The following RAE1 variants were observed in gnomAD, a reference collection of about 807,000 sequenced individuals.
RAE1 encodes ribonucleic acid export 1.
Under a neutral mutation model 52.7 loss-of-function variants are expected in RAE1, and 13 were observed. That is an observed-to-expected ratio of 0.25 (90% CI 0.16 to 0.39). RAE1 has a LOEUF of 0.39. Ranked by LOEUF, RAE1 falls within the 10% of genes least tolerant of loss-of-function variation. RAE1 has a pLI of 1.00. For synonymous variants in RAE1, 164 were observed against 153.1 expected, an observed-to-expected ratio of 1.07 and a Z score of -0.52; for missense variants, 262 against 459.8, an observed-to-expected ratio of 0.57 and a Z score of 3.93.
intron 7 of RAE1, 46 bp from the exon 8 acceptor site, chr20:57,368,659 A>C (rs772878840): frequency 1.1e-5 from 15 of 1,360,984 alleles, no homozygotes; most frequent in Middle Eastern, 3.6e-4. Flanking sequence ...TAAAAACAGC[A>C]CACTCCTTCA....
At chr20:57,361,755 G>T (rs577164401) in intron 4 of RAE1, among the ~76,000 whole-genome samples, 15 of 152,318 alleles carry the variant, frequency 9.8e-5, no homozygotes, top group African/African-American at 3.4e-4. Context: ...CTGGCTAATA[G>T]GGTGGTAGTG....
At chr20:57,356,569 TTTAC>T in intron 4 of RAE1, 31 bp downstream of exon 4, 1 of 1,554,782 alleles carries the variant, frequency 6.4e-7, no homozygotes, top group South Asian at 1.1e-5. Flanking sequence ...CGTGTTCCAT[TTTAC>T]TTAAAGTACA....
At chr20:57,363,911 C>G (rs974234957) in intron 4 of RAE1, among the ~76,000 whole-genome samples, 6 of 152,146 alleles carry the variant, frequency 3.9e-5, no homozygotes, top group Admixed American at 6.5e-5. Flanking sequence ...TAAACCTACA[C>G]GGAAGGATTA....
Position 57,367,028 on chromosome 20 carries a change from A to C in RAE1, c.483A>C (p.Ser161=), listed in dbSNP as rs2066964387. The change falls in exon 7 of 12, where the codon TCA becomes TCC. Residue 161 remains serine (S), a synonymous_variant. Coordinates refer to ENST00000395841, the MANE Select transcript of RAE1 (RefSeq NM_003610.4). ...TTTAGTTTTGGGATACTCGATCGTC[A>C]AATCCTATGATGGTTTTGCAACTCC... ...KTLKFWDTRS[S]NPMMVLQLPE... The C allele has an allele frequency of 6.2e-7, 1 of 1,610,554 alleles. No homozygotes were observed. The highest frequency in any genetic ancestry group is 2.2e-5 in the East Asian group (1 of 44,862).
rs1194955310 is a variant in RAE1 at position 57,379,141 on chromosome 20, T to C, written c.*1042T>C. The C allele has an allele frequency of 6.6e-6, 1 of 152,118 alleles. No individual in the cohort carries two copies. Among genetic ancestry groups the C allele is most frequent in the Non-Finnish European group, 1.5e-5 (1 of 68,032 alleles). The allele number at this position is 152,118 out of a possible 1,614,324, so 9.4% of individuals were successfully genotyped here. On this transcript the variant is annotated 3_prime_UTR_variant, in exon 12 of 12. Coordinates refer to ENST00000395841, the MANE Select transcript of RAE1 (RefSeq NM_003610.4). The stretch of plus-strand genomic sequence containing the variant: ...GTGTAAAATTCTAGTATCGATAGTG[T>C]TGTAAGATGTGTTTGCCTACTCATA...
chr20:57,374,284 G>A (rs1028989221), intron 10 of RAE1, among the ~76,000 whole-genome samples: 4 of 152,170 alleles, frequency 2.6e-5, no homozygotes, highest in African/African-American at 7.2e-5. Context: ...CCTCAGGAGC[G>A]CTGGTAGACA....
chr20:57,365,301 A>G (rs2066939359), intron 4 of RAE1, 55 bp from the exon 5 acceptor site: 19 of 1,253,518 alleles, frequency 1.5e-5, no homozygotes, highest in Middle Eastern at 2.3e-4. Flanking sequence ...AAATATATAT[A>G]TAGTTAAAGA....
intron 3 of RAE1, 102 bp from the exon 4 acceptor site, chr20:57,356,344 A>T (rs927725352): frequency 1.9e-5 from 14 of 720,956 alleles, no homozygotes; most frequent in Admixed American, 1.6e-4. Context: ...TGCTATGAGA[A>T]GTCTATGTAT....
At chr20:57,369,251 C>T (rs1362423905) in intron 8 of RAE1, among the ~76,000 whole-genome samples, 1 of 152,208 alleles carries the variant, frequency 6.6e-6, no homozygotes, top group Non-Finnish European at 1.5e-5. Flanking sequence ...CAGGGCATGG[C>T]CCAAAACAGG....
Position 57,366,988 on chromosome 20 carries a change from C to T in RAE1, c.463-20C>T. 1 of 1,601,232 alleles carries T rather than the reference C, an allele frequency of 6.2e-7. No individual in the cohort carries two copies. The highest frequency in any genetic ancestry group is 8.6e-7 in the Non-Finnish European group (1 of 1,168,354). On this transcript the variant is annotated intron_variant, in intron 6 of 11. Transcript: ENST00000395841. ...TCTGCTCTGAATGGTCACATACTGGCTTCTCTTTTTTGCTTTTAGTTTTGG... is the reference window on the plus strand; with the variant it reads ...TCTGCTCTGAATGGTCACATACTGGTTTCTCTTTTTTGCTTTTAGTTTTGG...
At chr20:57,372,990 G>A (rs181840651) in intron 8 of RAE1, 4 of 166,684 alleles carry the variant, frequency 2.4e-5, no homozygotes, top group Admixed American at 5.8e-5. Context: ...GAAGTGCAGC[G>A]TGTTGCTTGT....
At chr20:57,377,271 C>T (rs2067129609) in intron 11 of RAE1, among the ~76,000 whole-genome samples, 1 of 152,202 alleles carries the variant, frequency 6.6e-6, no homozygotes, top group African/African-American at 2.4e-5. Flanking sequence ...TCCTTTGGCC[C>T]ACCTGCGGCT....
At chr20:57,354,616 A>G in intron 2 of RAE1, 96 bp from the exon 3 acceptor site, 3 of 821,656 alleles carry the variant, frequency 3.7e-6, no homozygotes, top group Non-Finnish European at 5.5e-6. Flanking sequence ...CTTGTACACA[A>G]GGAAAGGCCA....
intron 10 of RAE1, 72 bp from the exon 11 acceptor site, chr20:57,374,535 G>A (rs889351931): frequency 1.5e-6 from 2 of 1,357,856 alleles, no homozygotes; most frequent in African/African-American, 2.9e-5. Context: ...ACTCAAGCAG[G>A]AAGTGTGCGT....
Position 57,354,697 on chromosome 20 carries a change from A to C in RAE1, c.91-15A>C, listed in dbSNP as rs764516206. 6.5e-7 allele frequency: 1 copy of C among 1,546,320 alleles called. No individual in the cohort carries two copies. Among genetic ancestry groups the C allele is most frequent in the South Asian group, 1.2e-5 (1 of 81,786 alleles). On this transcript the variant is annotated splice_polypyrimidine_tract_variant and intron_variant, in intron 2 of 11. Transcript: ENST00000395841. ...TGAGCGTGCATACATTTTAACATTG[A>C]CTTTTTTCCCGCAGGATATTGAAGT... is the stretch of plus-strand genomic sequence containing the variant.
intron 9 of RAE1, 37 bp from the exon 10 acceptor site, chr20:57,373,626 T>C (rs1425419124): frequency 1.2e-6 from 2 of 1,613,352 alleles, no homozygotes; most frequent in Non-Finnish European, 1.7e-6. Context: ...GGACTTTTTT[T>C]AACAAAGGAA....
intron 11 of RAE1, chr20:57,375,197 G>T (rs1435923813): frequency 3.3e-6 from 2 of 607,480 alleles, no homozygotes; most frequent in East Asian, 5.5e-5. Flanking sequence ...GCAGGAGTGG[G>T]GCTGCATTTT....
In RAE1 at chr20:57,364,888, ATTATAG is replaced by A. The variant is rs1253341805; in HGVS notation, c.289-463_289-458del. Among the ~76,000 whole-genome samples, 3 of 152,326 alleles carry A rather than the reference ATTATAG, an allele frequency of 2.0e-5. 1 individual carries two copies. In the East Asian group the frequency reaches 5.8e-4, roughly 29 times the overall value. ...TAGGGACCGAATAAAAGTAATTAAG[ATTATAG>A]TTATGTGTTTTGTATATAGAGAGAA... On this transcript the variant is annotated intron_variant, in intron 4 of 11. Transcript: ENST00000395841.
chr20:57,363,109 C>G (rs567361864), intron 4 of RAE1, among the ~76,000 whole-genome samples: 307 of 152,312 alleles, frequency 2.0e-3, no homozygotes, highest in Non-Finnish European at 3.5e-3. Context: ...AAAAGTAAAC[C>G]ATTTGCCTAT....
Sources: gnomAD v4.1 joint callset for allele counts (sites outside exome capture counted in the v4.1 genomes callset) on GRCh38, gnomAD v4.1.1 for gene constraint, MANE v1.5 for transcripts, NCBI Gene and HGNC (gene_info 2026-07-23, HGNC 2026-07-21) for gene names.